Variants in PRKCA observed in about 807,000 individuals in gnomAD.
The protein encoded by PRKCA is protein kinase C alpha type.
In PRKCA, 27 loss-of-function variants were observed where a neutral mutation model predicts 87.0. The ratio of observed to expected loss-of-function variants is 0.31; its 90% CI spans 0.23 to 0.43. PRKCA has a LOEUF of 0.43. PRKCA is among the 20% of genes least tolerant of loss of function. The pLI is 1.00. For synonymous variants in PRKCA, 329 were observed against 311.1 expected (o/e 1.06, Z -0.61); for missense variants, 518 against 852.3 (o/e 0.61, Z 4.88).
intron 3 of PRKCA, among the ~76,000 whole-genome samples, chr17:66,507,151 T>A (rs1358036944): frequency 6.6e-6 from 1 of 152,254 alleles, no homozygotes; most frequent in African/African-American, 2.4e-5. Flanking sequence ...ACAGTTCTTG[T>A]CTTCAAACAA....
At chr17:66,508,908 TAC>T (rs1834652270) in intron 3 of PRKCA, among the ~76,000 whole-genome samples, 1 of 152,198 alleles carries the variant, frequency 6.6e-6, no homozygotes, top group South Asian at 2.1e-4. Context: ...CCAAGGTTGG[TAC>T]AGAGTCACTC....
At chr17:66,627,058 C>T (rs2092937545) in intron 3 of PRKCA, among the ~76,000 whole-genome samples, 2 of 152,170 alleles carry the variant, frequency 1.3e-5, no homozygotes, top group South Asian at 4.1e-4. Flanking sequence ...GCAAACAGTG[C>T]TGAATTTCTG....
intron 5 of PRKCA, among the ~76,000 whole-genome samples, chr17:66,647,237 C>G (rs1971480448): frequency 6.6e-6 from 1 of 152,204 alleles, no homozygotes; most frequent in African/African-American, 2.4e-5. Context: ...GGGAAAATTA[C>G]CATAAAACCT....
intron 2 of PRKCA, among the ~76,000 whole-genome samples, chr17:66,482,539 C>T (rs145259918): frequency 1.6e-3 from 239 of 152,278 alleles, no homozygotes; most frequent in African/African-American, 5.3e-3. Flanking sequence ...TCACTGAGTA[C>T]GAGGTGAAGA....
At chr17:66,767,067 T>C (rs1281286973) in intron 13 of PRKCA, among the ~76,000 whole-genome samples, 3 of 152,110 alleles carry the variant, frequency 2.0e-5, no homozygotes, top group Admixed American at 2.0e-4. Flanking sequence ...AAGATAAAAT[T>C]ATATCTTTAA....
chr17:66,533,316 AC>A, intron 3 of PRKCA, among the ~76,000 whole-genome samples: 1 of 152,174 alleles, frequency 6.6e-6, no homozygotes, highest in African/African-American at 2.4e-5. Flanking sequence ...TCCTGGGCTC[AC>A]CATTAATTCT....
chr17:66,352,886 G>A (rs753083888), intron 2 of PRKCA, among the ~76,000 whole-genome samples: 2 of 152,094 alleles, frequency 1.3e-5, no homozygotes, highest in Non-Finnish European at 2.9e-5. Context: ...TTAGGGTTTG[G>A]GGAGGAGGGA....
intron 2 of PRKCA, among the ~76,000 whole-genome samples, chr17:66,345,182 A>G (rs1907282454): frequency 2.6e-5 from 4 of 152,202 alleles, no homozygotes; most frequent in Admixed American, 2.6e-4. Flanking sequence ...CAAAATACAC[A>G]GGATTACAGA....
chr17:66,721,897 T>C lies in PRKCA; in HGVS notation c.919-10791T>C, dbSNP rs545672383. Among the ~76,000 whole-genome samples, 3 of 152,286 alleles carry C rather than the reference T, an allele frequency of 2.0e-5. No homozygotes were observed. In the South Asian group the frequency reaches 6.2e-4, roughly 32 times the overall value. On this transcript the variant is annotated intron_variant, in intron 8 of 16. Coordinates refer to ENST00000413366, the MANE Select transcript of PRKCA (RefSeq NM_002737.3). ...AGGTCTCAGCCTCATTTTACCCAGC[T>C]GCTATTCAAGATGGAGTTGCTCTGG...
chr17:66,760,706 T>C (rs1598923798), intron 13 of PRKCA, among the ~76,000 whole-genome samples: 1 of 152,114 alleles, frequency 6.6e-6, no homozygotes, highest in African/African-American at 2.4e-5. Flanking sequence ...TCACTACAGA[T>C]CCCATGGATG....
At chr17:66,308,989 G>C (rs1051610863) in intron 2 of PRKCA, among the ~76,000 whole-genome samples, 1 of 152,080 alleles carries the variant, frequency 6.6e-6, no homozygotes, top group Non-Finnish European at 1.5e-5. Context: ...GGAAATGACA[G>C]CTGGAGTTTG....
intron 2 of PRKCA, among the ~76,000 whole-genome samples, chr17:66,375,139 C>T (rs963130520): frequency 5.3e-5 from 8 of 152,032 alleles, no homozygotes; most frequent in African/African-American, 1.2e-4. Flanking sequence ...CCTGTATATT[C>T]GGTGGAAGAT....
At chr17:66,760,777 T>C (rs898039034) in intron 13 of PRKCA, among the ~76,000 whole-genome samples, 2 of 152,208 alleles carry the variant, frequency 1.3e-5, no homozygotes, top group Non-Finnish European at 2.9e-5. Context: ...CTCATGAACA[T>C]AGATGCAAAA....
At chr17:66,667,167 T>C (rs7207345) in intron 5 of PRKCA, among the ~76,000 whole-genome samples, 36,073 of 152,132 alleles carry the variant, frequency 0.24, 4,590 homozygotes, top group East Asian at 0.35. Flanking sequence ...CCATCTGGAA[T>C]GTCTGCGTGT....
intron 3 of PRKCA, among the ~76,000 whole-genome samples, chr17:66,517,013 C>T (rs897884202): frequency 2.0e-5 from 3 of 151,948 alleles, no homozygotes; most frequent in East Asian, 1.9e-4. Context: ...CGGAATTGGC[C>T]GGTGGTTCAC....
chr17:66,683,277 G>A (rs1018878406), intron 5 of PRKCA, among the ~76,000 whole-genome samples: 7 of 152,168 alleles, frequency 4.6e-5, no homozygotes, highest in African/African-American at 1.4e-4. Flanking sequence ...ATTAAAAAGC[G>A]AGCCAATTTA....
intron 8 of PRKCA, among the ~76,000 whole-genome samples, chr17:66,730,295 T>C (rs1252786486): frequency 6.6e-6 from 1 of 152,186 alleles, no homozygotes. Context: ...AGAGGCCACA[T>C]GGGTTCTTGG....
chr17:66,777,553 C>G (rs1975086918), intron 14 of PRKCA: 1 of 984,764 alleles, frequency 1.0e-6, no homozygotes, highest in African/African-American at 1.8e-5. Flanking sequence ...GTCTGCTCCT[C>G]AAGTTAATTT....
intron 3 of PRKCA, among the ~76,000 whole-genome samples, chr17:66,593,807 G>T (rs926939173): frequency 1.1e-4 from 17 of 152,154 alleles, no homozygotes; most frequent in African/African-American, 4.1e-4. Flanking sequence ...TATCTGGCTG[G>T]GTGTGGGGGC....
Sources: allele counts gnomAD v4.1 joint callset (sites outside exome capture counted in the v4.1 genomes callset), GRCh38; gene constraint gnomAD v4.1.1; transcripts MANE v1.5; gene names NCBI Gene and HGNC (gene_info 2026-07-23, HGNC 2026-07-21).